CUX1: variants seen among roughly 807,000 people sequenced by gnomAD.
The protein encoded by CUX1 is protein CASP.
CUX1 carries 31 observed loss-of-function variants against 158.8 expected under a neutral mutation model. The ratio of observed to expected loss-of-function variants is 0.20; its 90% confidence interval spans 0.15 to 0.26. The LOEUF (loss-of-function observed/expected upper bound fraction) is 0.26, where lower values mean the gene tolerates loss of function less well. Among genes scored for constraint, CUX1 ranks in the 10% least tolerant of loss-of-function variants. The pLI is 1.00. For missense variants in CUX1, 1,589 were observed against 2,014.6 expected (o/e 0.79, Z 4.04); for synonymous variants, 879 against 862.1 (o/e 1.02, Z -0.34).
intron 2 of CUX1, among the ~76,000 whole-genome samples, chr7:101,963,395 G>A (rs915714715): frequency 6.6e-6 from 1 of 152,040 alleles, no homozygotes; most frequent in African/African-American, 2.4e-5. Context: ...TGTTGAATGA[G>A]GCAGGCGTGG....
At chr7:101,870,754 C>G (rs571071967) in intron 1 of CUX1, among the ~76,000 whole-genome samples, 2 of 152,298 alleles carry the variant, frequency 1.3e-5, no homozygotes, top group African/African-American at 4.8e-5. Flanking sequence ...ATTTTTCCAA[C>G]CCTTTGTGGT....
At chr7:101,906,214 G>A (rs1802734764) in intron 1 of CUX1, among the ~76,000 whole-genome samples, 1 of 151,984 alleles carries the variant, frequency 6.6e-6, no homozygotes, top group African/African-American at 2.4e-5. Context: ...GCAAAACACA[G>A]TCCTTGCTGG....
intron 18 of CUX1, among the ~76,000 whole-genome samples, chr7:102,279,678 G>A (rs1323459697): frequency 5.3e-5 from 8 of 152,158 alleles, no homozygotes; most frequent in African/African-American, 1.4e-4. Flanking sequence ...GGCTCTGGGT[G>A]GCCAGCTGGG....
chr7:102,156,579 C>A (rs1006596848), intron 8 of CUX1, among the ~76,000 whole-genome samples: 8 of 152,200 alleles, frequency 5.3e-5, no homozygotes, highest in African/African-American at 1.9e-4. Context: ...CCCCACCTCC[C>A]AATGCCCCCA....
rs75527635 is a variant in CUX1, at chr7:102,209,823, C to G, written c.3130+4653C>G. On this transcript the variant is annotated intron_variant, in intron 20 of 23. Coordinates refer to ENST00000292535, the MANE Select transcript of CUX1 (RefSeq NM_181552.4). ...AGGAGAAGGTAGAGGCTCATTAAGG[C>G]TTGTTTGCTCAGAGTGTGGCCTTCT... is the stretch of plus-strand genomic sequence containing the variant. Among the ~76,000 whole-genome samples the G allele has an allele frequency of 9.9e-5, 15 of 152,252 alleles. No homozygotes were observed. The East Asian group carries it at 2.9e-3, about 29-fold the overall frequency.
chr7:102,223,861 C>G (rs1040980291), intron 20 of CUX1, among the ~76,000 whole-genome samples: 1 of 151,990 alleles, frequency 6.6e-6, no homozygotes, highest in Non-Finnish European at 1.5e-5. Flanking sequence ...CCCAGCTACT[C>G]GGGAGGCAGA....
intron 4 of CUX1, among the ~76,000 whole-genome samples, chr7:102,077,528 T>TAAAAAAAAAAAA (rs35999980): frequency 8.8e-6 from 1 of 113,956 alleles, no homozygotes; most frequent in Non-Finnish European, 1.7e-5. Flanking sequence ...CCCATCTCTT[T>TAAAAAAAAAAAA]AAAAAAAAAA....
intron 2 of CUX1, chr7:101,959,682 A>T (rs1185804768): frequency 6.6e-6 from 1 of 151,596 alleles, no homozygotes; most frequent in Non-Finnish European, 1.5e-5. Flanking sequence ...GTTTGCGTGT[A>T]TTTTTTTTCC....
chr7:101,816,402 C>T (rs1012224758), upstream of CUX1, among the ~76,000 whole-genome samples: 18 of 143,284 alleles, frequency 1.3e-4, no homozygotes, highest in African/African-American at 4.2e-4. Flanking sequence ...CCCCCCGGGC[C>T]CCGCGCCGCC....
chr7:101,907,509 C>T (rs112752290), intron 1 of CUX1, among the ~76,000 whole-genome samples: 6 of 151,948 alleles, frequency 3.9e-5, no homozygotes, highest in Non-Finnish European at 4.4e-5. Context: ...TCACCACACC[C>T]GGCTAATTTT....
intron 1 of CUX1, among the ~76,000 whole-genome samples, chr7:101,858,750 C>A (rs1262812802): frequency 6.7e-6 from 1 of 149,714 alleles, no homozygotes; most frequent in African/African-American, 2.5e-5. Flanking sequence ...ACTGCAACCT[C>A]CGCCTCCCAG....
chr7:102,057,267 G>A (rs928748257), intron 3 of CUX1, among the ~76,000 whole-genome samples: 3 of 152,212 alleles, frequency 2.0e-5, no homozygotes, highest in African/African-American at 7.2e-5. Context: ...CTCTGGTGGA[G>A]ATGTACAAGA....
intron 1 of CUX1, among the ~76,000 whole-genome samples, chr7:101,886,840 C>T (rs1418166832): frequency 1.3e-5 from 2 of 152,208 alleles, no homozygotes; most frequent in South Asian, 4.1e-4. Flanking sequence ...CCATTGGAAA[C>T]TCTTGAGAGC....
intron 1 of CUX1, among the ~76,000 whole-genome samples, chr7:101,829,193 C>G (rs1793715015): frequency 6.6e-6 from 1 of 152,022 alleles, no homozygotes; most frequent in South Asian, 2.1e-4. Flanking sequence ...TCTTGACTTT[C>G]CCTGTTCTGG....
upstream of CUX1, chr7:101,817,019 T>A: frequency 1.0e-6 from 1 of 984,298 alleles, no homozygotes; most frequent in Non-Finnish European, 1.2e-6. The surrounding 1 kb of genome is among the most constrained non-coding windows in gnomAD (Gnocchi z 4.1). Context: ...GACGCGGACC[T>A]GTTCCTCCGT....
intron 3 of CUX1, among the ~76,000 whole-genome samples, chr7:102,062,586 T>C (rs1025100857): frequency 2.3e-4 from 35 of 152,138 alleles, no homozygotes; most frequent in African/African-American, 3.6e-4. Context: ...TCATAGCTCA[T>C]TGGAGCCTTG....
intron 1 of CUX1, among the ~76,000 whole-genome samples, chr7:101,914,333 G>A (rs1353636612): frequency 2.7e-5 from 4 of 148,854 alleles, no homozygotes; most frequent in Non-Finnish European, 5.9e-5. Context: ...TTTTTAAAGT[G>A]TCTACGATTC....
intron 1 of CUX1, among the ~76,000 whole-genome samples, chr7:101,899,604 A>G (rs1460819084): frequency 6.6e-6 from 1 of 152,190 alleles, no homozygotes; most frequent in African/African-American, 2.4e-5. Flanking sequence ...AACATCAGGT[A>G]TAGAGAGATG....
chr7:101,965,788 G>T (rs573051661), intron 2 of CUX1, among the ~76,000 whole-genome samples: 1 of 137,032 alleles, frequency 7.3e-6, no homozygotes, highest in South Asian at 2.5e-4. Flanking sequence ...GGCAGAGCTT[G>T]CAGTGAGCCG....
Sources: gnomAD v4.1 joint callset for allele counts (sites outside exome capture counted in the v4.1 genomes callset) on GRCh38, gnomAD v4.1.1 for gene constraint, Gnocchi (gnomAD v3.1) non-coding constraint, MANE v1.5 for transcripts, NCBI Gene and HGNC (gene_info 2026-07-23, HGNC 2026-07-21) for gene names.